The following BTBD9 variants were observed in gnomAD, a reference collection of about 807,000 sequenced individuals.
BTBD9 encodes BTB/POZ domain-containing protein 9.
A neutral mutation model predicts 64.3 loss-of-function variants in BTBD9; 49 were observed. The ratio of observed to expected loss-of-function variants is 0.76; its 90% CI spans 0.61 to 0.97. The LOEUF is 0.97. Ranked by LOEUF, BTBD9 falls within the 50% of genes least tolerant of loss-of-function variation. The pLI is 0.00. For missense variants in BTBD9, 598 were observed against 762.1 expected, an observed-to-expected ratio of 0.78 and a Z score of 2.53; for synonymous variants, 260 against 274.7, an observed-to-expected ratio of 0.95 and a Z score of 0.53.
chr6:38,467,314 G>A (rs1369441595), intron 6 of BTBD9, among the ~76,000 whole-genome samples: 1 of 152,140 alleles, frequency 6.6e-6, no homozygotes, highest in East Asian at 1.9e-4. Flanking sequence ...GCTAAGAGAG[G>A]ATGTCTGTCA....
intron 1 of BTBD9, among the ~76,000 whole-genome samples, chr6:38,624,391 C>A (rs1026421136): frequency 2.6e-5 from 4 of 152,104 alleles, no homozygotes; most frequent in Non-Finnish European, 5.9e-5. Context: ...TCTGTGCCAT[C>A]TTTAAGAGCT....
At chr6:38,268,415 T>C (rs1765088579) in intron 8 of BTBD9, among the ~76,000 whole-genome samples, 1 of 152,138 alleles carries the variant, frequency 6.6e-6, no homozygotes, top group Non-Finnish European at 1.5e-5. Flanking sequence ...TACATGCAGA[T>C]CTTTGTATTC....
At chr6:38,624,166 G>A (rs533901139) in intron 1 of BTBD9, among the ~76,000 whole-genome samples, 10 of 152,292 alleles carry the variant, frequency 6.6e-5, no homozygotes, top group African/African-American at 2.4e-4. Flanking sequence ...TGTAAAACGC[G>A]CAAATTAGCA....
intron 4 of BTBD9, among the ~76,000 whole-genome samples, chr6:38,583,337 T>C (rs1776375254): frequency 1.3e-5 from 2 of 151,932 alleles, no homozygotes; most frequent in Non-Finnish European, 2.9e-5. Context: ...CCATCTCTAC[T>C]AAAAATACAA....
rs150006384 is a variant in BTBD9, at chr6:38,205,621, A to C, written c.1563-13024T>G. On this transcript the variant is annotated intron_variant, in intron 9 of 10. Transcript: ENST00000481247. ...CTACCAGAAAATGTGTTCCACCAAAACAAAGGACCAACTTAAGATAAAGAA... is the reference window on the plus strand; with the variant it reads ...CTACCAGAAAATGTGTTCCACCAAACCAAAGGACCAACTTAAGATAAAGAA... Among the ~76,000 whole-genome samples, 369 of 152,180 alleles carry C rather than the reference A, an allele frequency of 2.4e-3. 2 individuals carry two copies. The highest frequency in any genetic ancestry group is 6.6e-3 in the African/African-American group (276 of 41,534).
Position 38,173,475 on chromosome 6 carries a change from C to A in BTBD9, c.*1510G>T, listed in dbSNP as rs1766876055. The A allele has an allele frequency of 6.6e-6, 1 of 152,232 alleles. No homozygotes were observed. Among genetic ancestry groups the A allele is most frequent in the Admixed American group, 6.5e-5 (1 of 15,290 alleles). 9.4% of individuals were successfully genotyped at this position (152,232 alleles called of 1,614,324 possible). A position where few individuals can be genotyped will look rare whatever the true frequency, so the allele number is the denominator to read the frequency against. On this transcript the variant is annotated 3_prime_UTR_variant, in exon 11 of 11. Coordinates refer to ENST00000481247, the MANE Select transcript of BTBD9 (RefSeq NM_001099272.2). ...TGCCCCGGTAGCCCTCTGATGTCTGCCATCCTGTGTTCACACGGAAAGACA... is the reference window on the plus strand; with the variant it reads ...TGCCCCGGTAGCCCTCTGATGTCTGACATCCTGTGTTCACACGGAAAGACA...
chr6:38,633,136 C>T (rs940937131), intron 1 of BTBD9, among the ~76,000 whole-genome samples: 1 of 152,172 alleles, frequency 6.6e-6, no homozygotes, highest in Non-Finnish European at 1.5e-5. Context: ...TAGGCAGTTA[C>T]TAAAATTCTA....
chr6:38,212,414 A>G (rs1416829384), intron 9 of BTBD9, among the ~76,000 whole-genome samples: 1 of 152,220 alleles, frequency 6.6e-6, no homozygotes, highest in African/African-American at 2.4e-5. Flanking sequence ...GGGGTGACAC[A>G]GGACTATGGG....
intron 8 of BTBD9, among the ~76,000 whole-genome samples, chr6:38,258,205 C>T (rs1414850885): frequency 1.3e-5 from 2 of 151,854 alleles, no homozygotes; most frequent in Admixed American, 6.6e-5. Flanking sequence ...AGGCTGGTCT[C>T]GAACTCCTGA....
At chr6:38,367,435 G>A (rs768523355) in intron 6 of BTBD9, among the ~76,000 whole-genome samples, 2 of 152,188 alleles carry the variant, frequency 1.3e-5, no homozygotes, top group Non-Finnish European at 2.9e-5. Flanking sequence ...CCTCTGAAAA[G>A]AACTGCTGTT....
At position 38,479,573 on chromosome 6, in the gene BTBD9, T is replaced by A. The variant is rs184464831; in HGVS notation, c.1154+98027A>T. Reference sequence around the variant, plus strand: ...AGGCTTGAATCACTGCTTTATGAGGTAACACTCCCTTTCTGACTGCATCCG... The same window carrying A: ...AGGCTTGAATCACTGCTTTATGAGGAAACACTCCCTTTCTGACTGCATCCG... On this transcript the variant is annotated intron_variant, in intron 6 of 10. Coordinates refer to ENST00000481247, the MANE Select transcript of BTBD9 (RefSeq NM_001099272.2). Among the ~76,000 whole-genome samples the A allele has an allele frequency of 1.9e-3, 285 of 152,244 alleles. 3 individuals carry two copies. The highest frequency in any genetic ancestry group is 8.8e-4 in the Non-Finnish European group (60 of 68,024).
chr6:38,200,314 G>A (rs1762414993), intron 9 of BTBD9, among the ~76,000 whole-genome samples: 1 of 152,138 alleles, frequency 6.6e-6, no homozygotes, highest in Non-Finnish European at 1.5e-5. Context: ...ATATACAAAA[G>A]TAGAAAGGTT....
intron 7 of BTBD9, among the ~76,000 whole-genome samples, chr6:38,318,647 T>G (rs1229166560): frequency 6.6e-6 from 1 of 152,208 alleles, no homozygotes; most frequent in Non-Finnish European, 1.5e-5. Context: ...CCTCTCTGCT[T>G]CATGCTGGGG....
At chr6:38,209,029 T>C (rs1328784749) in intron 9 of BTBD9, among the ~76,000 whole-genome samples, 3 of 152,202 alleles carry the variant, frequency 2.0e-5, no homozygotes, top group South Asian at 2.1e-4. Flanking sequence ...TTTTAAAAAG[T>C]TGAGTTAGCT....
chr6:38,359,018 G>A (rs1005846488), intron 6 of BTBD9, among the ~76,000 whole-genome samples: 4 of 151,898 alleles, frequency 2.6e-5, no homozygotes, highest in African/African-American at 9.7e-5. Context: ...TGATCCACCC[G>A]CCTCGGCCTC....
intron 6 of BTBD9, among the ~76,000 whole-genome samples, chr6:38,346,305 G>A (rs1764272695): frequency 6.6e-6 from 1 of 152,104 alleles, no homozygotes. Flanking sequence ...AACTATATTT[G>A]GGGTTTTTAT....
Position 38,375,927 on chromosome 6 carries a change from G to GAAAGA in BTBD9, c.1155-30839_1155-30835dup, listed in dbSNP as rs1554143832. On this transcript the variant is annotated intron_variant, in intron 6 of 10. Coordinates refer to ENST00000481247, the MANE Select transcript of BTBD9 (RefSeq NM_001099272.2). ...AGAAAGAAAGAAAGAAAGAAAGAAAGAAAGAAAGAAAGAAGGAAAGAAGGA... is the reference window on the plus strand; with the variant it reads ...AGAAAGAAAGAAAGAAAGAAAGAAAGAAAGAAAAGAAAGAAAGAAGGAAAGAAGGA... Among the ~76,000 whole-genome samples the GAAAGA allele has an allele frequency of 4.3e-5, 6 of 140,254 alleles. 1 individual carries two copies. In the South Asian group the frequency reaches 1.0e-3, roughly 24 times the overall value. 92.0% of individuals were successfully genotyped at this position (140,254 alleles called of 152,430 possible).
At chr6:38,351,935 C>T (rs1387965682) in intron 6 of BTBD9, among the ~76,000 whole-genome samples, 1 of 152,038 alleles carries the variant, frequency 6.6e-6, no homozygotes, top group African/African-American at 2.4e-5. Flanking sequence ...GAATTAATAT[C>T]ACAAAAATTA....
rs1761748172 is a variant in BTBD9 at position 38,184,843 on chromosome 6, G to T, written c.1641+7676C>A. On this transcript the variant is annotated intron_variant, in intron 10 of 10. Coordinates refer to ENST00000481247, the MANE Select transcript of BTBD9 (RefSeq NM_001099272.2). This position sits in a 1 kb window ranked among gnomAD's most constrained non-coding sequence, Gnocchi z 4.4. The stretch of plus-strand genomic sequence containing the variant: ...GCCACATGTTGCTATGGGAACGAGG[G>T]TGGCATGGGAGCCCAGAGCCACTCA... 6.6e-6 allele frequency among the ~76,000 whole-genome samples: 1 copy of T among 152,102 alleles called. No individual in the cohort carries two copies. The highest frequency in any genetic ancestry group is 6.5e-5 in the Admixed American group (1 of 15,280).
Sources: gnomAD v4.1 joint callset for allele counts (sites outside exome capture counted in the v4.1 genomes callset) on GRCh38, gnomAD v4.1.1 for gene constraint, Gnocchi (gnomAD v3.1) non-coding constraint, MANE v1.5 for transcripts, NCBI Gene and HGNC (gene_info 2026-07-23, HGNC 2026-07-21) for gene names.